Variants in RPS6KA2 observed in about 807,000 individuals in gnomAD.
RPS6KA2 encodes ribosomal protein S6 kinase alpha-2.
In RPS6KA2, 42 loss-of-function variants were observed where a neutral mutation model predicts 91.8. That is an observed-to-expected ratio of 0.46 (90% CI 0.36 to 0.59). RPS6KA2 has a LOEUF of 0.59. RPS6KA2 is among the 20% of genes least tolerant of loss of function. The pLI, the probability that RPS6KA2 is intolerant of heterozygous loss-of-function variation, is 0.00. For synonymous variants in RPS6KA2, 414 were observed against 393.6 expected (o/e 1.05, Z -0.61); for missense variants, 798 against 978.5 (o/e 0.82, Z 2.46).
intron 2 of RPS6KA2, among the ~76,000 whole-genome samples, chr6:166,744,644 CG>C (rs1231678481): frequency 7.2e-5 from 11 of 152,316 alleles, no homozygotes; most frequent in African/African-American, 2.2e-4. Flanking sequence ...AGGGTCCTCC[CG>C]CGCTGCCCCT....
chr6:166,606,376 T>G (rs900496144), intron 1 of RPS6KA2, among the ~76,000 whole-genome samples: 3 of 152,358 alleles, frequency 2.0e-5, no homozygotes, highest in Middle Eastern at 3.4e-3. Flanking sequence ...GCACCTGGCA[T>G]GGTGAATTTA....
chr6:166,625,342 C>G (rs1210500487), intron 1 of RPS6KA2, among the ~76,000 whole-genome samples: 6 of 119,800 alleles, frequency 5.0e-5, no homozygotes, highest in Admixed American at 1.7e-4. Context: ...CCCCCCCCCC[C>G]GCTTGTTTCC....
chr6:166,463,142 C>T (rs1204466019), intron 11 of RPS6KA2: 1 of 152,254 alleles, frequency 6.6e-6, no homozygotes, highest in African/African-American at 2.4e-5. Context: ...CTTCCTGATG[C>T]TGCGTAAACA....
At chr6:166,708,614 G>A (rs191022761) in intron 2 of RPS6KA2, among the ~76,000 whole-genome samples, 4 of 152,322 alleles carry the variant, frequency 2.6e-5, no homozygotes, top group East Asian at 3.9e-4. Flanking sequence ...ATTCCAAGAC[G>A]TTTCGCAGGT....
intron 2 of RPS6KA2, among the ~76,000 whole-genome samples, chr6:166,762,736 C>T (rs975048101): frequency 5.5e-4 from 84 of 152,108 alleles, no homozygotes; most frequent in African/African-American, 1.8e-3. Context: ...TCCCAGGAAA[C>T]GACCTTCACT....
In RPS6KA2 at chr6:166,550,994, C is replaced by CAAAAA. The variant is rs58796308; in HGVS notation, c.100-12215_100-12211dup. ...CTGGCAACAGAGCCGGACTCTATCTCAAAAAAAAAAAAAAAAAGAACGTGA... is the reference window on the plus strand; with the variant it reads ...CTGGCAACAGAGCCGGACTCTATCTCAAAAAAAAAAAAAAAAAAAAAAGAACGTGA... On this transcript the variant is annotated intron_variant, in intron 1 of 20. Transcript: ENST00000265678. Among the ~76,000 whole-genome samples the CAAAAA allele has an allele frequency of 3.5e-4, 37 of 106,356 alleles. 1 individual carries two copies. Among genetic ancestry groups the CAAAAA allele is most frequent in the Non-Finnish European group, 4.0e-4 (20 of 50,236 alleles). The allele number at this position is 106,356 out of a possible 152,430, so 69.8% of individuals were successfully genotyped here.
intron 1 of RPS6KA2, among the ~76,000 whole-genome samples, chr6:166,558,122 A>T (rs1784230268): frequency 6.6e-6 from 1 of 151,722 alleles, no homozygotes; most frequent in African/African-American, 2.4e-5. Context: ...AAAGATGTGT[A>T]TGTGTGTATT....
intron 2 of RPS6KA2, among the ~76,000 whole-genome samples, chr6:166,850,458 T>G (rs900369672): frequency 6.6e-6 from 1 of 152,302 alleles, no homozygotes; most frequent in East Asian, 1.9e-4. Context: ...TATGACAAGA[T>G]AGCAGTGAAT....
intron 2 of RPS6KA2, among the ~76,000 whole-genome samples, chr6:166,700,022 A>G (rs140527519): frequency 0.019 from 2,944 of 152,362 alleles, 38 homozygotes; most frequent in Middle Eastern, 0.054. Flanking sequence ...GCATCCTGTA[A>G]GACAAGCTAA....
At position 166,726,343 on chromosome 6, in the gene RPS6KA2, C is replaced by T. The variant is rs1790338436; in HGVS notation, c.123+131857G>A. Among the ~76,000 whole-genome samples, 1 of 152,160 alleles carries T rather than the reference C, an allele frequency of 6.6e-6. No homozygotes were observed. Among genetic ancestry groups the T allele is most frequent in the Admixed American group, 6.5e-5 (1 of 15,278 alleles). Reference sequence around the variant, plus strand: ...GCAATCCTGGGGAAAGGGCTAAACTCCACTGGGGGAAAGTTCCATTCCACC... The same window carrying T: ...GCAATCCTGGGGAAAGGGCTAAACTTCACTGGGGGAAAGTTCCATTCCACC... On this transcript the variant is annotated intron_variant, in intron 2 of 21. Transcript: ENST00000503859. This position sits in a 1 kb window ranked among gnomAD's most constrained non-coding sequence, Gnocchi z 4.4.
At chr6:166,664,138 T>G (rs532290537) in intron 2 of RPS6KA2, among the ~76,000 whole-genome samples, 1 of 152,376 alleles carries the variant, frequency 6.6e-6, no homozygotes, top group Non-Finnish European at 1.5e-5. Flanking sequence ...CTTTTTAGCA[T>G]TGCCTTTGCA....
chr6:166,678,494 A>C (rs928685454), intron 2 of RPS6KA2, among the ~76,000 whole-genome samples: 6 of 152,218 alleles, frequency 3.9e-5, no homozygotes, highest in African/African-American at 1.4e-4. Context: ...ACAAAAACTC[A>C]GTTTCCTGCC....
chr6:166,456,603 C>T (rs1780114981), intron 12 of RPS6KA2, among the ~76,000 whole-genome samples: 4 of 152,218 alleles, frequency 2.6e-5, no homozygotes, highest in Non-Finnish European at 5.9e-5. Context: ...GAAAGCCTAA[C>T]TGTAAGAAAT....
chr6:166,702,532 T>A (rs1200731003), intron 2 of RPS6KA2: 1 of 1,453,372 alleles, frequency 6.9e-7, no homozygotes, highest in African/African-American at 1.4e-5. Context: ...CACTCCATAC[T>A]GGACTAGTCA....
rs767294947 is a variant in RPS6KA2 at position 166,495,923 on chromosome 6, C to T, written c.747+2585G>A. Among the ~76,000 whole-genome samples the T allele has an allele frequency of 1.6e-4, 25 of 152,206 alleles. No individual in the cohort carries two copies. The highest frequency in any genetic ancestry group is 4.6e-4 in the Admixed American group (7 of 15,280). On this transcript the variant is annotated intron_variant, in intron 8 of 20. Coordinates refer to ENST00000265678, the MANE Select transcript of RPS6KA2 (RefSeq NM_021135.6). The surrounding 1 kb of genome is among the most constrained non-coding windows in gnomAD (Gnocchi z 4.4). Reference sequence around the variant, plus strand: ...GGAGTTTGCTGGAGCAAGGCGAGCCCGACGTGGTCTCATTTCCTCTTCTTC... The same window carrying T: ...GGAGTTTGCTGGAGCAAGGCGAGCCTGACGTGGTCTCATTTCCTCTTCTTC...
chr6:166,735,603 G>C (rs1227500810), intron 2 of RPS6KA2, among the ~76,000 whole-genome samples: 3 of 152,184 alleles, frequency 2.0e-5, no homozygotes, highest in Admixed American at 6.5e-5. Context: ...GATGGGAGAT[G>C]GTGACAGATC....
rs1007521970 is a variant in RPS6KA2 at position 166,459,617 on chromosome 6, G to A, written c.973-66C>T. Reference sequence around the variant, plus strand: ...ACAGACATTGCCACAGAACACTGGGGACAGAGAAACCTGCTGTGGGGAGGG... The same window carrying A: ...ACAGACATTGCCACAGAACACTGGGAACAGAGAAACCTGCTGTGGGGAGGG... On this transcript the variant is annotated intron_variant, in intron 11 of 20. Coordinates refer to ENST00000265678, the MANE Select transcript of RPS6KA2 (RefSeq NM_021135.6). The surrounding 1 kb of genome is among the most constrained non-coding windows in gnomAD (Gnocchi z 4.9). 8 of 1,186,488 alleles carry A rather than the reference G, an allele frequency of 6.7e-6. No homozygotes were observed. The South Asian group carries it at 9.0e-5, about 13-fold the overall frequency. The allele number at this position is 1,186,488 out of a possible 1,614,324, so 73.5% of individuals were successfully genotyped here.
chr6:166,427,685 G>A (rs1045028513), intron 16 of RPS6KA2, among the ~76,000 whole-genome samples: 35 of 152,158 alleles, frequency 2.3e-4, no homozygotes, highest in Non-Finnish European at 5.0e-4. Flanking sequence ...CAAATCATGA[G>A]TGAACTCCCA....
chr6:166,532,669 G>A (rs766449959), intron 2 of RPS6KA2, among the ~76,000 whole-genome samples: 3 of 152,254 alleles, frequency 2.0e-5, no homozygotes, highest in East Asian at 1.9e-4. Flanking sequence ...GGTGCAGGAC[G>A]GTACAGCATC....
Sources: allele counts gnomAD v4.1 joint callset (sites outside exome capture counted in the v4.1 genomes callset), GRCh38; gene constraint gnomAD v4.1.1; non-coding constraint Gnocchi (gnomAD v3.1); transcripts MANE v1.5; gene names NCBI Gene and HGNC (gene_info 2026-07-23, HGNC 2026-07-21).